The following CTNNA3 variants were observed in gnomAD, a reference collection of about 807,000 sequenced individuals.
CTNNA3 encodes the protein catenin alpha-3.
CTNNA3 carries 76 observed loss-of-function variants against 95.7 expected under a neutral mutation model. That is an observed-to-expected ratio of 0.79 (90% CI 0.66 to 0.96). The LOEUF is 0.96. CTNNA3 is among the 40% of genes least tolerant of loss of function. CTNNA3 has a pLI of 0.00. For synonymous variants in CTNNA3, 431 were observed against 374.4 expected (o/e 1.15, Z -1.74); for missense variants, 1,191 against 1,089.8 (o/e 1.09, Z -1.31).
chr10:67,619,081 T>C (rs1325080505), intron 2 of CTNNA3, among the ~76,000 whole-genome samples: 2 of 152,198 alleles, frequency 1.3e-5, no homozygotes, highest in Non-Finnish European at 2.9e-5. Context: ...AAGAGACTTA[T>C]TGTCTAGGAA....
chr10:66,425,060 G>A (rs979860887), intron 11 of CTNNA3, among the ~76,000 whole-genome samples: 3 of 151,800 alleles, frequency 2.0e-5, no homozygotes, highest in Non-Finnish European at 2.9e-5. Flanking sequence ...ACAAATAATT[G>A]TGAATTATAT....
intron 9 of CTNNA3, among the ~76,000 whole-genome samples, chr10:66,675,952 A>C (rs1279687247): frequency 6.6e-6 from 1 of 152,112 alleles, no homozygotes; most frequent in Non-Finnish European, 1.5e-5. Flanking sequence ...ATATAAAATC[A>C]AAAGGACCAA....
At chr10:66,195,763 C>T (rs994305942) in intron 13 of CTNNA3, among the ~76,000 whole-genome samples, 3 of 152,162 alleles carry the variant, frequency 2.0e-5, no homozygotes, top group African/African-American at 7.2e-5. Context: ...ATTTTTATTG[C>T]ATATGTTGCC....
chr10:66,248,722 C>T lies in CTNNA3; in HGVS notation c.1884+31748G>A, dbSNP rs140197360. Among the ~76,000 whole-genome samples the T allele has an allele frequency of 4.4e-3, 667 of 152,222 alleles. 1 individual carries two copies. Among genetic ancestry groups the T allele is most frequent in the African/African-American group, 0.015 (630 of 41,560 alleles). ...CAATTGTAAGTTTATATGTACCAAA[C>T]ACTGGAGCACTGAGATATAAATTGC... On this transcript the variant is annotated intron_variant, in intron 13 of 17. Coordinates refer to ENST00000433211, the MANE Select transcript of CTNNA3 (RefSeq NM_013266.4).
intron 17 of CTNNA3, among the ~76,000 whole-genome samples, chr10:65,965,049 T>A (rs1028151329): frequency 2.0e-5 from 3 of 152,350 alleles, no homozygotes; most frequent in Non-Finnish European, 4.4e-5. Context: ...ACTGTGTTTA[T>A]GTGGGATTTT....
chr10:66,754,205 T>G (rs373802514), intron 9 of CTNNA3, among the ~76,000 whole-genome samples: 1 of 152,286 alleles, frequency 6.6e-6, no homozygotes. Context: ...GGAATAGAAT[T>G]GAATCTTGAA....
At chr10:67,151,687 T>G (rs1861094092) in intron 7 of CTNNA3, among the ~76,000 whole-genome samples, 1 of 152,206 alleles carries the variant, frequency 6.6e-6, no homozygotes, top group Non-Finnish European at 1.5e-5. Flanking sequence ...AGCTGCAGCT[T>G]CTATCAAAGC....
At chr10:66,843,073 T>C (rs1843121800) in intron 7 of CTNNA3, among the ~76,000 whole-genome samples, 1 of 151,862 alleles carries the variant, frequency 6.6e-6, no homozygotes, top group South Asian at 2.1e-4. Flanking sequence ...GAGACAGAGG[T>C]TGGAAAATCA....
At chr10:66,892,511 A>G (rs1845309837) in intron 7 of CTNNA3, among the ~76,000 whole-genome samples, 1 of 150,170 alleles carries the variant, frequency 6.7e-6, no homozygotes, top group Admixed American at 6.8e-5. Context: ...GTAAGTCTGG[A>G]CACTTTTACA....
intron 10 of CTNNA3, among the ~76,000 whole-genome samples, chr10:66,576,759 T>C (rs1843015903): frequency 6.6e-6 from 1 of 152,078 alleles, no homozygotes; most frequent in African/African-American, 2.4e-5. Context: ...TGATGCCATG[T>C]CTTTGCTATT....
intron 9 of CTNNA3, among the ~76,000 whole-genome samples, chr10:66,666,679 T>G (rs990921029): frequency 6.6e-6 from 1 of 152,118 alleles, no homozygotes; most frequent in African/African-American, 2.4e-5. Context: ...AACACATTAT[T>G]GTAAGGACTG....
At chr10:66,254,451 C>G (rs988585875) in intron 13 of CTNNA3, among the ~76,000 whole-genome samples, 1 of 152,164 alleles carries the variant, frequency 6.6e-6, no homozygotes, top group Admixed American at 6.5e-5. Flanking sequence ...TCAAAATACC[C>G]TTAAGCTCCC....
rs1194545234 is a variant in CTNNA3, at chr10:67,323,950, T to A, written c.580-104080A>T. On this transcript the variant is annotated intron_variant, in intron 5 of 17. Transcript: ENST00000433211. ...CTGGTTAGCTGTATTCTGTGGTGTT[T>A]TATTTTACCTTTTTTGTGTGTGACA... Among the ~76,000 whole-genome samples the A allele has an allele frequency of 3.3e-5, 5 of 152,174 alleles. 1 individual carries two copies. The highest frequency in any genetic ancestry group is 1.2e-4 in the African/African-American group (5 of 41,444).
intron 9 of CTNNA3, among the ~76,000 whole-genome samples, chr10:66,679,348 G>A (rs941953515): frequency 2.6e-5 from 4 of 152,130 alleles, no homozygotes; most frequent in African/African-American, 9.7e-5. Flanking sequence ...TTCATTCCCT[G>A]AAAGAGAAAA....
At chr10:66,788,467 G>T (rs999210537) in intron 7 of CTNNA3, among the ~76,000 whole-genome samples, 2 of 152,154 alleles carry the variant, frequency 1.3e-5, no homozygotes, top group Non-Finnish European at 2.9e-5. Context: ...ATTAGGAATG[G>T]CCTGTAAACA....
chr10:67,757,057 C>T (rs1841437381), intron 1 of CTNNA3, among the ~76,000 whole-genome samples: 1 of 152,090 alleles, frequency 6.6e-6, no homozygotes, highest in South Asian at 2.1e-4. Context: ...ACATATTAAG[C>T]ACTGTGCTAG....
At chr10:67,488,661 G>C (rs2133072879) in intron 5 of CTNNA3, among the ~76,000 whole-genome samples, 1 of 146,230 alleles carries the variant, frequency 6.8e-6, no homozygotes, top group South Asian at 2.2e-4. Flanking sequence ...GTGAGCCAAA[G>C]TGCCCGGCCT....
intron 5 of CTNNA3, among the ~76,000 whole-genome samples, chr10:67,231,058 A>T (rs1865176994): frequency 6.6e-6 from 1 of 152,190 alleles, no homozygotes; most frequent in African/African-American, 2.4e-5. Context: ...CTAGCACAGC[A>T]GTCTGAGATC....
chr10:67,383,457 G>A lies in CTNNA3; in HGVS notation c.579+138385C>T, dbSNP rs896444804. Among the ~76,000 whole-genome samples, 30 of 152,128 alleles carry A rather than the reference G, an allele frequency of 2.0e-4. 1 individual carries two copies. Among genetic ancestry groups the A allele is most frequent in the African/African-American group, 7.2e-4 (30 of 41,424 alleles). ...GAATATACCAGTAAGTAGTGGAGTT[G>A]GGACTTGAACTCATTTGCCTAGCTG... is the stretch of plus-strand genomic sequence containing the variant. On this transcript the variant is annotated intron_variant, in intron 5 of 17. Transcript: ENST00000433211.
Sources: gnomAD v4.1 joint callset for allele counts (sites outside exome capture counted in the v4.1 genomes callset) on GRCh38, gnomAD v4.1.1 for gene constraint, MANE v1.5 for transcripts, NCBI Gene and HGNC (gene_info 2026-07-23, HGNC 2026-07-21) for gene names.